The following SRGN variants were observed in gnomAD, a reference collection of about 807,000 sequenced individuals.
The protein encoded by SRGN is hematopoetic proteoglycan core peptide.
Under a neutral mutation model 9.5 loss-of-function variants are expected in SRGN, and 2 were observed. The ratio of observed to expected loss-of-function variants is 0.21; its 90% CI spans 0.09 to 0.66. SRGN has a LOEUF of 0.66. Among genes scored for constraint, SRGN ranks in the 30% least tolerant of loss-of-function variants. The probability of loss-of-function intolerance (pLI) is 0.83; values close to 1 mark genes in which losing one functional copy is unlikely to be tolerated. For missense variants in SRGN, 170 were observed against 192.4 expected (o/e 0.88, Z 0.69); for synonymous variants, 59 against 72.3 (o/e 0.82, Z 0.93).
chr10:69,095,979 C>A lies in SRGN; in HGVS notation c.80-1105C>A, dbSNP rs140979917. Among the ~76,000 whole-genome samples, 353 of 152,114 alleles carry A rather than the reference C, an allele frequency of 2.3e-3. 6 individuals are homozygous for A. The highest frequency in any genetic ancestry group is 5.9e-4 in the Non-Finnish European group (40 of 67,994). ...TAACCTCATAATATCAGATTTGGAG[C>A]CTTTTCCATAGAAATGAAATTCAGA... is the stretch of plus-strand genomic sequence containing the variant. On this transcript the variant is annotated intron_variant, in intron 1 of 2. Coordinates refer to ENST00000242465, the MANE Select transcript of SRGN (RefSeq NM_002727.4).
At chr10:69,096,615 T>A (rs972745146) in intron 1 of SRGN, among the ~76,000 whole-genome samples, 5 of 152,240 alleles carry the variant, frequency 3.3e-5, no homozygotes, top group African/African-American at 1.2e-4. Flanking sequence ...GCTGCTGTTA[T>A]ATGAATGGGC....
Position 69,097,208 on chromosome 10 carries a change from C to G in SRGN, c.204C>G (p.Pro68=). The G allele has an allele frequency of 6.2e-7, 1 of 1,613,872 alleles. No individual in the cohort carries two copies. The highest frequency in any genetic ancestry group is 1.1e-5 in the South Asian group (1 of 91,060). Reference sequence around the variant, plus strand: ...TTCCAGGTGAATCCAACAAGATCCCCCGTCTGAGGACTGACCTTTTTCCGT... The same window carrying G: ...TTCCAGGTGAATCCAACAAGATCCCGCGTCTGAGGACTGACCTTTTTCCGT... ...ELLPGESNKI[P]RLRTDLFPKT... The change falls in exon 2 of 3, where the codon CCC becomes CCG. Residue 68 remains proline (P), a synonymous_variant. Coordinates refer to ENST00000242465, the MANE Select transcript of SRGN (RefSeq NM_002727.4).
intron 2 of SRGN, among the ~76,000 whole-genome samples, 196 bp downstream of exon 2, chr10:69,097,427 AT>A (rs71035049): frequency 1.9e-4 from 21 of 111,402 alleles, no homozygotes; most frequent in South Asian, 5.9e-4. Flanking sequence ...TGCCCAGCTA[AT>A]TTTTTTTTTT....
intron 2 of SRGN, among the ~76,000 whole-genome samples, chr10:69,101,826 C>A (rs917122849): frequency 1.3e-5 from 2 of 152,146 alleles, no homozygotes; most frequent in African/African-American, 4.8e-5. Flanking sequence ...GCAGGAGGAT[C>A]ACTTGAGCCC....
At chr10:69,100,463 T>C (rs1840266318) in intron 2 of SRGN, among the ~76,000 whole-genome samples, 1 of 152,134 alleles carries the variant, frequency 6.6e-6, no homozygotes, top group Non-Finnish European at 1.5e-5. Context: ...TAAAATAAAA[T>C]GTTAAGAGAA....
chr10:69,097,085 T>C lies in SRGN; in HGVS notation c.81T>C (p.Gly27=). The change falls in exon 2 of 3, where the codon GGT becomes GGC. Residue 27 remains glycine (G), a splice_region_variant and synonymous_variant. Coordinates refer to ENST00000242465, the MANE Select transcript of SRGN (RefSeq NM_002727.4). ...TAACAATGTGGGTTCCTCGGGCAGG[T>C]TATCCTACGCGGAGAGCCAGGTACC... ...LILVLESSVQ[G]YPTRRARYQW... 6.2e-7 allele frequency: 1 copy of C among 1,613,620 alleles called. No homozygotes were observed. The highest frequency in any genetic ancestry group is 1.1e-5 in the South Asian group (1 of 90,998).
intron 1 of SRGN, among the ~76,000 whole-genome samples, chr10:69,092,794 C>CAA (rs11456015): frequency 0.035 from 4,122 of 117,770 alleles, 133 homozygotes; most frequent in Non-Finnish European, 0.046. Flanking sequence ...ACTCTGTCTC[C>CAA]AAAAAAAAAA....
chr10:69,097,053 T>C (rs776514678), intron 1 of SRGN, 31 bp from the exon 2 acceptor site: 1 of 1,609,378 alleles, frequency 6.2e-7, no homozygotes, highest in Non-Finnish European at 8.5e-7. Context: ...GTGTAGTAGA[T>C]ACTTAGTAAC....
intron 2 of SRGN, among the ~76,000 whole-genome samples, chr10:69,100,836 G>C (rs1170714765): frequency 6.6e-6 from 1 of 152,058 alleles, no homozygotes; most frequent in Non-Finnish European, 1.5e-5. Flanking sequence ...CTTACTCCCT[G>C]CCTGGGATGG....
intron 1 of SRGN, among the ~76,000 whole-genome samples, chr10:69,093,309 G>C (rs1840103529): frequency 6.6e-6 from 1 of 152,200 alleles, no homozygotes; most frequent in South Asian, 2.1e-4. Flanking sequence ...TTGATGATAT[G>C]TTAAAGGACA....
chr10:69,088,478 G>C (rs1839985209), intron 1 of SRGN, among the ~76,000 whole-genome samples: 1 of 152,028 alleles, frequency 6.6e-6, no homozygotes, highest in Admixed American at 6.6e-5. Context: ...GTGCTATTTT[G>C]GGATGAAAAT....
chr10:69,102,439 C>T (rs1840313179), intron 2 of SRGN, among the ~76,000 whole-genome samples: 1 of 152,188 alleles, frequency 6.6e-6, no homozygotes. Context: ...GGGGCTTCAT[C>T]GATCTGCCTC....
chr10:69,099,727 G>T (rs968289946), intron 2 of SRGN, among the ~76,000 whole-genome samples: 2 of 152,146 alleles, frequency 1.3e-5, no homozygotes, highest in Non-Finnish European at 2.9e-5. Flanking sequence ...TTACTTTAAA[G>T]CCTCAGCATT....
At chr10:69,102,063 G>C (rs1589332001) in intron 2 of SRGN, among the ~76,000 whole-genome samples, 1 of 151,926 alleles carries the variant, frequency 6.6e-6, no homozygotes, top group Middle Eastern at 3.4e-3. Flanking sequence ...AAAAAAAATG[G>C]TTGACCACTC....
At chr10:69,088,431 C>T (rs868101195) in intron 1 of SRGN, among the ~76,000 whole-genome samples, 195 bp downstream of exon 1, 2 of 152,062 alleles carry the variant, frequency 1.3e-5, no homozygotes, top group Admixed American at 6.6e-5. Flanking sequence ...AACTCTGTGG[C>T]GTGTGCAGTC....
upstream of SRGN, chr10:69,088,016 C>G: frequency 1.6e-6 from 1 of 637,404 alleles, no homozygotes. Flanking sequence ...GGATGTCTTT[C>G]TATTTGTTCA....
At chr10:69,097,321 C>T (rs1313179921) in intron 2 of SRGN, 90 bp downstream of exon 2, 3 of 1,123,154 alleles carry the variant, frequency 2.7e-6, no homozygotes, top group East Asian at 2.7e-5. Context: ...AGTGCAATGG[C>T]GCAATCTTAG....
intron 2 of SRGN, among the ~76,000 whole-genome samples, chr10:69,099,492 CAG>C (rs1840247263): frequency 6.6e-6 from 1 of 151,810 alleles, no homozygotes; most frequent in Admixed American, 6.6e-5. Context: ...TTTGTAGAGA[CAG>C]GGGTCTCTGT....
At chr10:69,093,389 C>G (rs1173838808) in intron 1 of SRGN, among the ~76,000 whole-genome samples, 1 of 152,250 alleles carries the variant, frequency 6.6e-6, no homozygotes, top group East Asian at 1.9e-4. Flanking sequence ...AATATGGCCG[C>G]TGGAACATTT....
Sources: allele counts gnomAD v4.1 joint callset (sites outside exome capture counted in the v4.1 genomes callset), GRCh38; gene constraint gnomAD v4.1.1; transcripts MANE v1.5; gene names NCBI Gene and HGNC (gene_info 2026-07-23, HGNC 2026-07-21).